Variants in CISTR observed in about 807,000 individuals in gnomAD.
The protein encoded by CISTR is chondrogenic regulator lncRNA.
At chr12:53,747,344 C>T (rs1028957673) in intron 2 of CISTR, among the ~76,000 whole-genome samples, 3 of 152,154 alleles carry the variant, frequency 2.0e-5, no homozygotes, top group Non-Finnish European at 4.4e-5. Flanking sequence ...GCTTTGGAAT[C>T]CCCTCCCACC....
In CISTR at chr12:53,751,424, C is replaced by T. The variant is rs1937849047; in HGVS notation, n.415-459G>A. Among the ~76,000 whole-genome samples the T allele has an allele frequency of 6.6e-6, 1 of 152,188 alleles. No individual in the cohort carries two copies. Among genetic ancestry groups the T allele is most frequent in the Admixed American group, 6.5e-5 (1 of 15,280 alleles). ...TCGCCTCCCACCCCCCTTCCGGCCG[C>T]GGCAGTTTCCGAAATCGCCCGGCGG... On this transcript the variant is annotated intron_variant and non_coding_transcript_variant, in intron 1 of 2. Coordinates refer to ENST00000669269, the Ensembl canonical transcript of CISTR. This position sits in a 1 kb window ranked among gnomAD's most constrained non-coding sequence, Gnocchi z 4.6.
intron 1 of CISTR, among the ~76,000 whole-genome samples, chr12:53,752,035 A>C (rs1245534999): frequency 2.3e-4 from 34 of 148,684 alleles, no homozygotes; most frequent in Admixed American, 7.3e-4. Context: ...TCCGCCCCGC[A>C]CCGCCCGCCC....
chr12:53,752,704 A>G (rs1234764029), intron 1 of CISTR, among the ~76,000 whole-genome samples: 1 of 152,190 alleles, frequency 6.6e-6, no homozygotes, highest in Non-Finnish European at 1.5e-5. Flanking sequence ...ATTGAATATC[A>G]GAAATTGTAA....
chr12:53,752,979 C>T (rs12425605), intron 1 of CISTR, among the ~76,000 whole-genome samples: 1 of 151,648 alleles, frequency 6.6e-6, no homozygotes, highest in South Asian at 2.1e-4. Flanking sequence ...CCAGCTCCCC[C>T]AAGACTCCTG....
intron 2 of CISTR, among the ~76,000 whole-genome samples, chr12:53,747,726 A>C (rs1296734467): frequency 1.3e-5 from 2 of 152,036 alleles, no homozygotes; most frequent in East Asian, 3.9e-4. Flanking sequence ...TTTACTGGGG[A>C]CTTACTATGT....
intron 2 of CISTR, among the ~76,000 whole-genome samples, chr12:53,750,070 G>C (rs999318135): frequency 2.6e-5 from 4 of 152,160 alleles, no homozygotes; most frequent in Admixed American, 2.0e-4. Context: ...TGATGATCTT[G>C]GGCACAGTGG....
At position 53,756,235 on chromosome 12, in the gene CISTR, G is replaced by A. The variant is rs1163298438; in HGVS notation, n.414+579C>T. The stretch of plus-strand genomic sequence containing the variant: ...TACTCTTCTACCATCCCCTTTTCTG[G>A]CTCTCGAGGTAAGTTCTTTGGGGAT... On this transcript the variant is annotated intron_variant and non_coding_transcript_variant, in intron 1 of 2. Coordinates refer to ENST00000669269, the Ensembl canonical transcript of CISTR. The surrounding 1 kb of genome is among the most constrained non-coding windows in gnomAD (Gnocchi z 4.0). 1.3e-5 allele frequency among the ~76,000 whole-genome samples: 2 copies of A among 152,100 alleles called. No individual in the cohort carries two copies. Among genetic ancestry groups the A allele is most frequent in the Non-Finnish European group, 2.9e-5 (2 of 68,008 alleles).
At chr12:53,749,067 A>G (rs2120731998) in intron 2 of CISTR, among the ~76,000 whole-genome samples, 1 of 152,066 alleles carries the variant, frequency 6.6e-6, no homozygotes, top group South Asian at 2.1e-4. Flanking sequence ...AGACAGCCAC[A>G]CACCCTCCCT....
Position 53,756,999 on chromosome 12 carries a change from C to T in CISTR, n.229G>A, listed in dbSNP as rs1937922239. On this transcript the variant is annotated non_coding_transcript_exon_variant, in exon 1 of 3. Transcript: ENST00000669269. The surrounding 1 kb of genome is among the most constrained non-coding windows in gnomAD (Gnocchi z 4.0). ...AACTATTAGCCCAACATCTCTTCTT[C>T]CCCTCTCCACAGTCAGAGGTGGATG... The T allele has an allele frequency of 6.7e-6, 1 of 149,540 alleles. No individual in the cohort carries two copies. The highest frequency in any genetic ancestry group is 2.0e-4 in the East Asian group (1 of 5,024). The allele number at this position is 149,540 out of a possible 1,614,324, so 9.3% of individuals were successfully genotyped here.
chr12:53,747,090 G>C (rs931268112), intron 2 of CISTR, among the ~76,000 whole-genome samples: 3 of 152,332 alleles, frequency 2.0e-5, no homozygotes, highest in Non-Finnish European at 4.4e-5. Flanking sequence ...TTGGGTTTCA[G>C]CCTACAACCC....
In CISTR at chr12:53,756,298, A is replaced by G. The variant is rs1937914066; in HGVS notation, n.414+516T>C. 1.3e-5 allele frequency among the ~76,000 whole-genome samples: 2 copies of G among 152,144 alleles called. No individual in the cohort carries two copies. Among genetic ancestry groups the G allele is most frequent in the Admixed American group, 6.5e-5 (1 of 15,282 alleles). ...AAATGAGGACCTGGAACTCCTTACA[A>G]TCTCCCTCTTACCTCCCCAAAGTAA... is the stretch of plus-strand genomic sequence containing the variant. On this transcript the variant is annotated intron_variant and non_coding_transcript_variant, in intron 1 of 2. Transcript: ENST00000669269. This position sits in a 1 kb window ranked among gnomAD's most constrained non-coding sequence, Gnocchi z 4.0.
chr12:53,748,277 TCTCCAAGCCCTCCG>T (rs1210124016), intron 2 of CISTR, among the ~76,000 whole-genome samples: 1 of 151,916 alleles, frequency 6.6e-6, no homozygotes, highest in African/African-American at 2.4e-5. Flanking sequence ...CCCTCTTCCC[TCTCCAAGCCCTCCG>T]CGCCAGCGCC....
rs1033436496 is a variant in CISTR at position 53,756,169 on chromosome 12, C to T, written n.414+645G>A. ...GGTGGGTGGCAAGGGCCAGAAGGAC[C>T]GGCCAGGTGGGGGATGGGCTGGGGG... is the stretch of plus-strand genomic sequence containing the variant. On this transcript the variant is annotated intron_variant and non_coding_transcript_variant, in intron 1 of 2. Transcript: ENST00000669269. The surrounding 1 kb of genome is among the most constrained non-coding windows in gnomAD (Gnocchi z 4.0). Among the ~76,000 whole-genome samples, 5 of 152,060 alleles carry T rather than the reference C, an allele frequency of 3.3e-5. No individual in the cohort carries two copies. The highest frequency in any genetic ancestry group is 6.6e-5 in the Admixed American group (1 of 15,248).
intron 1 of CISTR, among the ~76,000 whole-genome samples, chr12:53,753,735 T>C (rs983902524): frequency 5.3e-5 from 6 of 112,688 alleles, no homozygotes; most frequent in African/African-American, 1.8e-4. Flanking sequence ...GGGGCATATG[T>C]ACTGAGGAGA....
chr12:53,748,997 TG>T (rs1204060291), intron 2 of CISTR, among the ~76,000 whole-genome samples: 4 of 151,958 alleles, frequency 2.6e-5, no homozygotes, highest in African/African-American at 9.7e-5. Flanking sequence ...TGTGTGTGTG[TG>T]AGCAGGAACC....
rs141305261 is a variant in CISTR, at chr12:53,754,170, A to T, written n.414+2644T>A. ...GACCTCTTTCCTGGCTATCTCCTTT[A>T]CTCACTCCTTTCATGGATTGAATTA... On this transcript the variant is annotated intron_variant and non_coding_transcript_variant, in intron 1 of 2. Transcript: ENST00000669269. 8.7e-3 allele frequency among the ~76,000 whole-genome samples: 1,330 copies of T among 152,190 alleles called. 15 individuals carry two copies. Among genetic ancestry groups the T allele is most frequent in the African/African-American group, 0.025 (1,049 of 41,502 alleles).
chr12:53,753,083 C>CAT (rs1241418740), intron 1 of CISTR, among the ~76,000 whole-genome samples: 1 of 124,846 alleles, frequency 8.0e-6, no homozygotes. Context: ...CACACACACA[C>CAT]ACACACAGAG....
At chr12:53,755,585 C>G (rs945212191) in intron 1 of CISTR, among the ~76,000 whole-genome samples, 1 of 120,166 alleles carries the variant, frequency 8.3e-6, no homozygotes, top group African/African-American at 4.3e-5. Context: ...AATGACCCAG[C>G]TCCTGGCTTT....
intron 2 of CISTR, among the ~76,000 whole-genome samples, chr12:53,747,150 C>T (rs1174187656): frequency 1.3e-5 from 2 of 152,168 alleles, no homozygotes; most frequent in Non-Finnish European, 2.9e-5. Context: ...TGGTGACATT[C>T]CTGGAGAAAA....
Sources: gnomAD v4.1 joint callset for allele counts (sites outside exome capture counted in the v4.1 genomes callset) on GRCh38, gnomAD v4.1.1 for gene constraint, Gnocchi (gnomAD v3.1) non-coding constraint, MANE v1.5 for transcripts, NCBI Gene and HGNC (gene_info 2026-07-23, HGNC 2026-07-21) for gene names.